The following MYT1L variants were observed in gnomAD, a reference collection of about 807,000 sequenced individuals.
The protein encoded by MYT1L is myelin transcription factor 1 like, also known as myelin transcription factor 1-like protein.
MYT1L carries 12 observed loss-of-function variants against 126.7 expected under a neutral mutation model. That is an observed-to-expected ratio of 0.09 (90% CI 0.06 to 0.15). The LOEUF (loss-of-function observed/expected upper bound fraction) is 0.15. Among genes scored for constraint, MYT1L ranks in the 10% least tolerant of loss-of-function variants. The probability of loss-of-function intolerance (pLI) is 1.00; values close to 1 mark genes in which losing one functional copy is unlikely to be tolerated. For missense variants in MYT1L, 979 were observed against 1,585.2 expected (o/e 0.62, Z 6.49); for synonymous variants, 541 against 604.2 (o/e 0.90, Z 1.53).
Position 2,161,700 on chromosome 2 carries a change from G to T in MYT1L, c.-304+11172C>A, listed in dbSNP as rs142115452. On this transcript the variant is annotated intron_variant, in intron 3 of 24. Transcript: ENST00000647738. ...GTATGCGGCAATAGAGCAAGATGGT[G>T]CTGGGGACGCCAGCTCCCAGCAGCC... 2.0e-4 allele frequency among the ~76,000 whole-genome samples: 30 copies of T among 152,324 alleles called. 2 individuals carry two copies. The highest frequency in any genetic ancestry group is 6.7e-4 in the African/African-American group (28 of 41,566).
chr2:1,800,999 G>A (rs988134196), intron 23 of MYT1L, among the ~76,000 whole-genome samples: 14 of 152,154 alleles, frequency 9.2e-5, no homozygotes, highest in Non-Finnish European at 2.1e-4. Context: ...GTGTACTTCG[G>A]CGGGACCCTA....
chr2:2,127,625 G>A lies in MYT1L; in HGVS notation c.-304+45247C>T, dbSNP rs190105893. Among the ~76,000 whole-genome samples, 333 of 152,180 alleles carry A rather than the reference G, an allele frequency of 2.2e-3. 2 individuals are homozygous for A. Among genetic ancestry groups the A allele is most frequent in the Non-Finnish European group, 2.0e-3 (138 of 68,022 alleles). On this transcript the variant is annotated intron_variant, in intron 3 of 24. Coordinates refer to ENST00000647738, the MANE Select transcript of MYT1L (RefSeq NM_001303052.2). ...CACTAGCATCCCTTCGTTTCTCTCC[G>A]TCCTGAGTGTTATGTAAATGAACCA...
At position 2,228,924 on chromosome 2, in the gene MYT1L, C is replaced by T. The variant is rs1176600773; in HGVS notation, c.-421+55480G>A. Among the ~76,000 whole-genome samples the T allele has an allele frequency of 6.6e-6, 1 of 152,034 alleles. No individual in the cohort carries two copies. The highest frequency in any genetic ancestry group is 1.9e-4 in the East Asian group (1 of 5,170). ...ACAAGGGCAAGTTAATAAGAAGAAACACAAGCAGTAGAGAAGGATATGAAG... is the reference window on the plus strand; with the variant it reads ...ACAAGGGCAAGTTAATAAGAAGAAATACAAGCAGTAGAGAAGGATATGAAG... On this transcript the variant is annotated intron_variant, in intron 2 of 24. Coordinates refer to ENST00000647738, the MANE Select transcript of MYT1L (RefSeq NM_001303052.2). This position sits in a 1 kb window ranked among gnomAD's most constrained non-coding sequence, Gnocchi z 5.9.
At chr2:1,842,480 G>A (rs1462788095) in intron 19 of MYT1L, 1 of 152,284 alleles carries the variant, frequency 6.6e-6, no homozygotes, top group East Asian at 1.9e-4. Flanking sequence ...AGAGGAAAGA[G>A]GCGGCGAGGC....
chr2:2,042,312 G>A (rs1558829816), intron 4 of MYT1L, among the ~76,000 whole-genome samples: 1 of 152,164 alleles, frequency 6.6e-6, no homozygotes, highest in Non-Finnish European at 1.5e-5. Flanking sequence ...TACTTCTGCT[G>A]GGTTTGTTAG....
intron 2 of MYT1L, among the ~76,000 whole-genome samples, chr2:2,281,710 T>C (rs974067283): frequency 9.9e-5 from 15 of 152,208 alleles, no homozygotes; most frequent in African/African-American, 3.1e-4. Flanking sequence ...CTGAACATAG[T>C]AGATCATTAA....
chr2:2,034,139 G>A (rs980595804), intron 4 of MYT1L, among the ~76,000 whole-genome samples: 15 of 152,176 alleles, frequency 9.9e-5, no homozygotes, highest in Non-Finnish European at 1.6e-4. Flanking sequence ...TTAGTAAGTC[G>A]TAGGGACATT....
At chr2:2,052,317 C>T (rs1418354408) in intron 4 of MYT1L, among the ~76,000 whole-genome samples, 1 of 152,114 alleles carries the variant, frequency 6.6e-6, no homozygotes, top group Admixed American at 6.5e-5. Context: ...AACACAGAGG[C>T]TAAAGCTATA....
At chr2:2,173,764 A>G (rs2090378340) in intron 2 of MYT1L, among the ~76,000 whole-genome samples, 1 of 152,212 alleles carries the variant, frequency 6.6e-6, no homozygotes, top group South Asian at 2.1e-4. Flanking sequence ...AAGTGCGTCT[A>G]TGGCAATAAC....
In MYT1L at chr2:2,208,411, C is replaced by T. The variant is rs1412600855; in HGVS notation, c.-420-35423G>A. Among the ~76,000 whole-genome samples the T allele has an allele frequency of 3.9e-5, 6 of 152,126 alleles. No homozygotes were observed. In the East Asian group the frequency reaches 5.8e-4, roughly 15 times the overall value. On this transcript the variant is annotated intron_variant, in intron 2 of 24. Transcript: ENST00000647738. Reference sequence around the variant, plus strand: ...GCACCTGTCACAGCCAGCAGTTCGGCAGGACATCCAAATTGTCAGAGTCCC... The same window carrying T: ...GCACCTGTCACAGCCAGCAGTTCGGTAGGACATCCAAATTGTCAGAGTCCC...
At chr2:2,043,702 T>G (rs1003317846) in intron 4 of MYT1L, among the ~76,000 whole-genome samples, 5 of 152,154 alleles carry the variant, frequency 3.3e-5, no homozygotes, top group Non-Finnish European at 5.9e-5. Flanking sequence ...GTGGCATCTT[T>G]ATTTTGCTCC....
intron 8 of MYT1L, among the ~76,000 whole-genome samples, chr2:1,956,769 TGACAGATAATACTGGTTTTGGACAG>T (rs931953829): frequency 5.9e-5 from 9 of 152,114 alleles, no homozygotes; most frequent in Middle Eastern, 3.2e-3. Flanking sequence ...TATTTTCTTG[TGACAGATAATACTGGTTTTGGACAG>T]GCAGTTCTTC....
chr2:1,859,437 G>A (rs573102681), intron 18 of MYT1L, among the ~76,000 whole-genome samples: 2 of 152,178 alleles, frequency 1.3e-5, no homozygotes, highest in East Asian at 3.9e-4. Flanking sequence ...TTTGGAATGG[G>A]CTAGGCCCCA....
chr2:1,957,481 CG>C (rs2058591602), intron 8 of MYT1L, among the ~76,000 whole-genome samples: 1 of 152,054 alleles, frequency 6.6e-6, no homozygotes. Context: ...TACGCCTTTG[CG>C]TCTTCATAGC....
chr2:2,133,082 G>C (rs1040522316), intron 3 of MYT1L, among the ~76,000 whole-genome samples: 3 of 152,154 alleles, frequency 2.0e-5, no homozygotes, highest in African/African-American at 7.2e-5. Context: ...CTTCTTTGGG[G>C]GGGACGAAGA....
chr2:2,215,190 G>A (rs2093643268), intron 2 of MYT1L, among the ~76,000 whole-genome samples: 1 of 152,042 alleles, frequency 6.6e-6, no homozygotes, highest in Non-Finnish European at 1.5e-5. Flanking sequence ...AAAGATGGTC[G>A]ACTTAGAATT....
rs2032051910 is a variant in MYT1L at position 1,791,361 on chromosome 2, C to T, written c.*506G>A. On this transcript the variant is annotated 3_prime_UTR_variant, in exon 25 of 25. Transcript: ENST00000647738. The surrounding 1 kb of genome is among the most constrained non-coding windows in gnomAD (Gnocchi z 6.0). Reference sequence around the variant, plus strand: ...TTCTTGCTATGAAACAATATGCACACAAAATGTATTTCTTAAATTCCATAA... The same window carrying T: ...TTCTTGCTATGAAACAATATGCACATAAAATGTATTTCTTAAATTCCATAA... 2.3e-6 allele frequency: 1 copy of T among 430,612 alleles called. No individual in the cohort carries two copies. Among genetic ancestry groups the T allele is most frequent in the African/African-American group, 2.1e-5 (1 of 47,956 alleles). 26.7% of individuals were successfully genotyped at this position (430,612 alleles called of 1,614,324 possible). A position where few individuals can be genotyped will look rare whatever the true frequency, so the allele number is the denominator to read the frequency against.
intron 3 of MYT1L, among the ~76,000 whole-genome samples, chr2:2,061,706 C>A (rs1200939167): frequency 6.6e-6 from 1 of 152,114 alleles, no homozygotes; most frequent in Non-Finnish European, 1.5e-5. Flanking sequence ...ATTCTTCATC[C>A]TGGACCCTGA....
chr2:2,313,270 A>T (rs949841754), intron 1 of MYT1L, among the ~76,000 whole-genome samples: 1 of 152,176 alleles, frequency 6.6e-6, no homozygotes, highest in Non-Finnish European at 1.5e-5. Context: ...GATAAAAAAA[A>T]AAAATCTTGG....
Sources: gnomAD v4.1 joint callset for allele counts (sites outside exome capture counted in the v4.1 genomes callset) on GRCh38, gnomAD v4.1.1 for gene constraint, Gnocchi (gnomAD v3.1) non-coding constraint, MANE v1.5 for transcripts, NCBI Gene and HGNC (gene_info 2026-07-23, HGNC 2026-07-21) for gene names.